Variants in MANBA observed in about 807,000 individuals in gnomAD.
MANBA encodes the protein mannosidase beta.
MANBA carries 83 observed loss-of-function variants against 111.1 expected under a neutral mutation model. The observed-to-expected ratio is 0.75, with a 90% CI of 0.63 to 0.90. The LOEUF is 0.90. Among genes scored for constraint, MANBA ranks in the 40% least tolerant of loss-of-function variants. MANBA has a pLI of 0.00. For missense variants in MANBA, 1,036 were observed against 1,069.0 expected (o/e 0.97, Z 0.43); for synonymous variants, 370 against 378.7 (o/e 0.98, Z 0.27).
chr4:102,664,604 CTGGGATTACAGGCG>C (rs1352588915), intron 11 of MANBA, 67 bp downstream of exon 11: 1 of 1,268,310 alleles, frequency 7.9e-7, no homozygotes, highest in African/African-American at 1.5e-5. Context: ...TCCCAAAGTG[CTGGGATTACAGGCG>C]TGAGCCACCA....
At chr4:102,677,004 A>G (rs1731756969) in intron 7 of MANBA, among the ~76,000 whole-genome samples, 1 of 152,244 alleles carries the variant, frequency 6.6e-6, no homozygotes, top group African/African-American at 2.4e-5. Flanking sequence ...CTCAGTATGC[A>G]TCATTTTAAT....
At position 102,657,741 on chromosome 4, in the gene MANBA, C is replaced by A; in HGVS notation, c.1645G>T (p.Ala549Ser). Residue 549 changes from alanine (A) to serine (S), a missense_variant, in exon 12 of 17, where the codon GCT (alanine) becomes TCT (serine). Coordinates refer to ENST00000647097, the MANE Select transcript of MANBA (RefSeq NM_005908.4). ...DCWNWKVFPK[A>S]RFASEYGYQS... Reference sequence around the variant, plus strand: ...TATCCATATTCAGATGCAAATCGAGCTTTTGGGAAAACTTTCCAGTTCCAG... The same window carrying A: ...TATCCATATTCAGATGCAAATCGAGATTTTGGGAAAACTTTCCAGTTCCAG... The A allele has an allele frequency of 1.2e-6, 2 of 1,613,918 alleles. No individual in the cohort carries two copies. Among genetic ancestry groups the A allele is most frequent in the South Asian group, 1.1e-5 (1 of 91,078 alleles).
At chr4:102,758,673 G>A (rs181877378) in intron 1 of MANBA, among the ~76,000 whole-genome samples, 19 of 151,604 alleles carry the variant, frequency 1.3e-4, no homozygotes, top group Admixed American at 3.3e-4. Context: ...CTCCCTCGTA[G>A]CTAGGACCAC....
chr4:102,747,959 T>C (rs1723646615), intron 1 of MANBA, among the ~76,000 whole-genome samples: 1 of 152,180 alleles, frequency 6.6e-6, no homozygotes, highest in Admixed American at 6.5e-5. Flanking sequence ...TTCCCAGGAC[T>C]GGACCTCATG....
chr4:102,682,335 T>G (rs372521858), intron 7 of MANBA, among the ~76,000 whole-genome samples: 1 of 152,104 alleles, frequency 6.6e-6, no homozygotes, highest in South Asian at 2.1e-4. Context: ...AGGAGAAGTA[T>G]TCTATCACTG....
At chr4:102,750,335 T>G (rs979127759) in intron 1 of MANBA, among the ~76,000 whole-genome samples, 2 of 152,148 alleles carry the variant, frequency 1.3e-5, no homozygotes, top group African/African-American at 4.8e-5. Context: ...AAAAAACATT[T>G]TTTATCATTC....
chr4:102,688,048 T>C (rs572003199), intron 7 of MANBA, among the ~76,000 whole-genome samples: 1 of 152,332 alleles, frequency 6.6e-6, no homozygotes, highest in East Asian at 1.9e-4. Flanking sequence ...ACAGTCATAT[T>C]AGCCTGAATG....
At chr4:102,736,914 T>C (rs1269216614) in intron 1 of MANBA, among the ~76,000 whole-genome samples, 8 of 152,082 alleles carry the variant, frequency 5.3e-5, no homozygotes, top group East Asian at 1.9e-4. Context: ...GAGGGAAAAA[T>C]GTCTGCCTCC....
intron 7 of MANBA, among the ~76,000 whole-genome samples, chr4:102,676,348 A>G (rs1425084860): frequency 6.6e-6 from 1 of 152,160 alleles, no homozygotes; most frequent in East Asian, 1.9e-4. Flanking sequence ...TGTTTATTAC[A>G]TCTTTTCAAA....
At chr4:102,701,637 A>G (rs1281321116) in intron 5 of MANBA, among the ~76,000 whole-genome samples, 1 of 151,692 alleles carries the variant, frequency 6.6e-6, no homozygotes, top group African/African-American at 2.4e-5. Context: ...TTGGCTGGAT[A>G]TGAAATTCTG....
chr4:102,749,964 A>G (rs1398892076), intron 1 of MANBA, among the ~76,000 whole-genome samples: 1 of 152,228 alleles, frequency 6.6e-6, no homozygotes, highest in African/African-American at 2.4e-5. Context: ...GTGGCATCAA[A>G]CAAGAAAGTA....
intron 1 of MANBA, among the ~76,000 whole-genome samples, chr4:102,759,732 T>C (rs911908508): frequency 2.0e-5 from 3 of 152,184 alleles, no homozygotes; most frequent in African/African-American, 7.2e-5. Flanking sequence ...CCACATAGTA[T>C]AGAGACCAGG....
chr4:102,636,001 C>A lies in MANBA; in HGVS notation c.2021G>T (p.Gly674Val), dbSNP rs1729616212. 1 of 1,613,614 alleles carries A rather than the reference C, an allele frequency of 6.2e-7. No homozygotes were observed. Among genetic ancestry groups the A allele is most frequent in the Non-Finnish European group, 8.5e-7 (1 of 1,179,580 alleles). The change falls in exon 15 of 17, where the codon GGA (glycine) becomes GTA (valine). Residue 674 changes from glycine to valine, a missense_variant. By Grantham distance (109) the Gly-to-Val change is moderately radical. Transcript: ENST00000647097. Reference protein sequence around the residue: ...QAPSWASLEYGGKWKMLHYFA... With the variant: ...QAPSWASLEYVGKWKMLHYFA... ...GTAATGAAGCATTTTCCACTTTCCT[C>A]CGTACTCTGAAAATAATCAAGAGTG...
intron 16 of MANBA, chr4:102,633,545 A>G (rs1729480200): frequency 5.0e-6 from 2 of 397,810 alleles, no homozygotes; most frequent in Admixed American, 4.4e-5. Flanking sequence ...TACCTAGTCT[A>G]TATTAGCCCC....
intron 13 of MANBA, among the ~76,000 whole-genome samples, chr4:102,649,386 T>G (rs1338178109): frequency 1.3e-5 from 2 of 152,220 alleles, no homozygotes; most frequent in Non-Finnish European, 2.9e-5. Context: ...GTCTAAAATT[T>G]CCAGCTGTCT....
chr4:102,701,892 T>A (rs1170824632), intron 5 of MANBA, among the ~76,000 whole-genome samples: 2 of 151,806 alleles, frequency 1.3e-5, no homozygotes, highest in Non-Finnish European at 1.5e-5. Context: ...ATTTCCTGAA[T>A]CTGAATGTTG....
Position 102,632,175 on chromosome 4 carries a change from T to C in MANBA, c.2522A>G (p.Asp841Gly). The change falls in exon 17 of 17, where the codon GAC becomes GGC. Residue 841 changes from aspartate to glycine, a missense_variant. Asp to Gly is a moderately conservative substitution (Grantham distance 94). Coordinates refer to ENST00000647097, the MANE Select transcript of MANBA (RefSeq NM_005908.4). ...CTTCTCAGTCATGAGGAAACCATTG[T>C]CACTAAATCTCCCTGGGATGCTTCC... ...DVGSIPGRFS[D>G]NGFLMTEKTR... 1 of 1,613,262 alleles carries C rather than the reference T, an allele frequency of 6.2e-7. No homozygotes were observed.
In MANBA at chr4:102,700,910, T is replaced by A. The variant is rs558336372; in HGVS notation, c.674-10139A>T. The stretch of plus-strand genomic sequence containing the variant: ...CAGAGCTGAGTTCAATTCCTGGGTA[T>A]CCTTGTTAACTTTCTGTCTCGTTGA... On this transcript the variant is annotated intron_variant, in intron 5 of 16. Coordinates refer to ENST00000647097, the MANE Select transcript of MANBA (RefSeq NM_005908.4). Among the ~76,000 whole-genome samples the A allele has an allele frequency of 7.4e-3, 1,134 of 152,216 alleles. 5 individuals are homozygous for A. The highest frequency in any genetic ancestry group is 0.011 in the Non-Finnish European group (769 of 68,016).
chr4:102,642,597 ACT>A (rs1284453421), intron 13 of MANBA, among the ~76,000 whole-genome samples: 1 of 152,034 alleles, frequency 6.6e-6, no homozygotes, highest in African/African-American at 2.4e-5. Context: ...ACAGAGCGAG[ACT>A]CTGTCTAAAA....
Sources: gnomAD v4.1 joint callset for allele counts (sites outside exome capture counted in the v4.1 genomes callset) on GRCh38, gnomAD v4.1.1 for gene constraint, MANE v1.5 for transcripts, NCBI Gene and HGNC (gene_info 2026-07-23, HGNC 2026-07-21) for gene names.